STC2: variants seen among roughly 807,000 people sequenced by gnomAD.
STC2 encodes stanniocalcin-2.
In STC2, 7 loss-of-function variants were observed where a neutral mutation model predicts 22.7. The ratio of observed to expected loss-of-function variants is 0.31; its 90% CI spans 0.18 to 0.58. The LOEUF (loss-of-function observed/expected upper bound fraction) is 0.58, where lower values mean the gene tolerates loss of function less well. Ranked by LOEUF, STC2 falls within the 20% of genes least tolerant of loss-of-function variation. The pLI is 0.89. For missense variants in STC2, 336 were observed against 406.2 expected (o/e 0.83, Z 1.48); for synonymous variants, 158 against 163.4 (o/e 0.97, Z 0.25).
intron 1 of STC2, among the ~76,000 whole-genome samples, chr5:173,327,558 G>C (rs1762565291): frequency 6.6e-6 from 1 of 152,260 alleles, no homozygotes; most frequent in Admixed American, 6.5e-5. Context: ...TTGTCTCGCC[G>C]GCAAAGTTCT....
In STC2 at chr5:173,328,285, C is replaced by G. The variant is rs1025031636; in HGVS notation, c.-92G>C. The G allele has an allele frequency of 7.7e-7, 1 of 1,298,256 alleles. No individual in the cohort carries two copies. Among genetic ancestry groups the G allele is most frequent in the Non-Finnish European group, 1.0e-6 (1 of 994,372 alleles). 80.4% of individuals were successfully genotyped at this position (1,298,256 alleles called of 1,614,324 possible). A position where few individuals can be genotyped will look rare whatever the true frequency, so the allele number is the denominator to read the frequency against. The stretch of plus-strand genomic sequence containing the variant: ...TCTTCCTCCTTCGCCGCTTCCCCTC[C>G]TCCTCCCACTCTTCCTTTTTGCTCG... On this transcript the variant is annotated 5_prime_UTR_variant, in exon 1 of 4. Transcript: ENST00000265087.
chr5:173,318,366 G>T, intron 3 of STC2, 117 bp from the exon 4 acceptor site: 1 of 1,088,476 alleles, frequency 9.2e-7, no homozygotes, highest in Non-Finnish European at 1.2e-6. Flanking sequence ...AGGAGGCATG[G>T]CCAGTGCTTG....
Position 173,328,349 on chromosome 5 carries a change from G to T in STC2, c.-156C>A. 2 of 759,206 alleles carry T rather than the reference G, an allele frequency of 2.6e-6. No homozygotes were observed. Among genetic ancestry groups the T allele is most frequent in the South Asian group, 3.4e-5 (1 of 29,272 alleles). 47.0% of individuals were successfully genotyped at this position (759,206 alleles called of 1,614,324 possible). On this transcript the variant is annotated 5_prime_UTR_variant, in exon 1 of 4. Transcript: ENST00000265087. ...CCTCGCGGCCGCGGCTCGGATAGAG[G>T]TTACCCAGCGCCCTCCCGTAGCTCT...
chr5:173,323,357 C>T lies in STC2; in HGVS notation c.368G>A (p.Arg123Gln). 8 of 1,614,192 alleles carry T rather than the reference C, an allele frequency of 5.0e-6. No homozygotes were observed. Among genetic ancestry groups the T allele is most frequent in the East Asian group, 2.2e-5 (1 of 44,880 alleles). ...CATTTCCCTGATGGCCGGGCACTTC[C>T]GGCTTATGCAGCCGAACCTGTGCCG... ...ALRHRFGCISRKCPAIREMVS... is the reference protein window; with the variant it reads ...ALRHRFGCISQKCPAIREMVS... The change falls in exon 3 of 4, where the codon CGG (arginine) becomes CAG (glutamine). Residue 123 changes from arginine to glutamine, a missense_variant. Transcript: ENST00000265087. This position sits in a 1 kb window ranked among gnomAD's most constrained non-coding sequence, Gnocchi z 5.4.
rs1316109716 is a variant in STC2 at position 173,318,033 on chromosome 5, T to A, written c.723A>T (p.Glu241Asp). Residue 241 changes from glutamate (E) to aspartate (D), a missense_variant, in exon 4 of 4, where the codon GAA becomes GAT. Physicochemically the swap from Glu to Asp is conservative, Grantham distance 45. Coordinates refer to ENST00000265087, the MANE Select transcript of STC2 (RefSeq NM_003714.3). The part of the protein sequence containing the change: ...RTKLSRAHHG[E>D]AGHHLPEPSS... Reference sequence around the variant, plus strand: ...TGGGCTCTGGGAGGTGATGTCCTGCTTCCCCGTGGTGGGCCCTGGAGAGCT... The same window carrying A: ...TGGGCTCTGGGAGGTGATGTCCTGCATCCCCGTGGTGGGCCCTGGAGAGCT... 1.9e-6 allele frequency: 3 copies of A among 1,612,132 alleles called. No individual in the cohort carries two copies. Among genetic ancestry groups the A allele is most frequent in the Admixed American group, 3.3e-5 (2 of 59,948 alleles).
chr5:173,318,530 C>T (rs1762453240), intron 3 of STC2, among the ~76,000 whole-genome samples: 2 of 152,320 alleles, frequency 1.3e-5, no homozygotes, highest in East Asian at 1.9e-4. Flanking sequence ...AAGGAAGACC[C>T]TCTGGGGATG....
chr5:173,317,999 C>T lies in STC2; in HGVS notation c.757G>A (p.Glu253Lys), dbSNP rs749923080. ...TCACCCTTGGCACCTCGGCCAGTCT[C>T]CCTACTGCTGGGCTCTGGGAGGTGA... ...GHHLPEPSSR[E>K]TGRGAKGERG... The change falls in exon 4 of 4, where the codon GAG becomes AAG. Residue 253 changes from glutamate to lysine, a missense_variant. By Grantham distance (56) the Glu-to-Lys change is moderately conservative (BLOSUM62 1). Coordinates refer to ENST00000265087, the MANE Select transcript of STC2 (RefSeq NM_003714.3). 4 of 1,613,290 alleles carry T rather than the reference C, an allele frequency of 2.5e-6. No individual in the cohort carries two copies. In the South Asian group the frequency reaches 4.4e-5, roughly 18 times the overall value.
At position 173,314,890 on chromosome 5, in the gene STC2, A is replaced by G. The variant is rs1438631882; in HGVS notation, c.*2957T>C. On this transcript the variant is annotated 3_prime_UTR_variant, in exon 4 of 4. Transcript: ENST00000265087. The surrounding 1 kb of genome is among the most constrained non-coding windows in gnomAD (Gnocchi z 4.6). Reference sequence around the variant, plus strand: ...GGTTGTTCCTCCTTAGGAAGTGGCCACTGGAAGCATTGTTTTTCCATGCTA... The same window carrying G: ...GGTTGTTCCTCCTTAGGAAGTGGCCGCTGGAAGCATTGTTTTTCCATGCTA... 1 of 152,220 alleles carries G rather than the reference A, an allele frequency of 6.6e-6. No homozygotes were observed. Among genetic ancestry groups the G allele is most frequent in the Non-Finnish European group, 1.5e-5 (1 of 68,042 alleles). 9.4% of individuals were successfully genotyped at this position (152,220 alleles called of 1,614,324 possible).
intron 1 of STC2, 130 bp downstream of exon 1, chr5:173,327,913 C>T: frequency 1.6e-6 from 2 of 1,229,112 alleles, no homozygotes; most frequent in Non-Finnish European, 2.1e-6. Flanking sequence ...TTTGCACGTC[C>T]CGTGCCATCC....
chr5:173,325,804 C>T lies in STC2; in HGVS notation c.294+64G>A, dbSNP rs1762538908. 2 of 1,604,680 alleles carry T rather than the reference C, an allele frequency of 1.2e-6. No individual in the cohort carries two copies. Among genetic ancestry groups the T allele is most frequent in the Non-Finnish European group, 1.7e-6 (2 of 1,172,744 alleles). On this transcript the variant is annotated intron_variant, in intron 2 of 3. Transcript: ENST00000265087. This position sits in a 1 kb window ranked among gnomAD's most constrained non-coding sequence, Gnocchi z 4.7. ...AAGGAAGTTGGTTAACAAGGCTTTC[C>T]AATGAACGTTTCAATCATGTATGCT...
chr5:173,327,965 G>A, intron 1 of STC2, 78 bp downstream of exon 1: 2 of 1,379,848 alleles, frequency 1.4e-6, no homozygotes, highest in Non-Finnish European at 1.9e-6. Context: ...GGCTCCCGGC[G>A]AAACGCCTGG....
At chr5:173,319,742 A>G (rs1427544686) in intron 3 of STC2, among the ~76,000 whole-genome samples, 1 of 152,252 alleles carries the variant, frequency 6.6e-6, no homozygotes, top group Non-Finnish European at 1.5e-5. Flanking sequence ...TCTGGGCTTC[A>G]GGGCCCAGGG....
Position 173,315,516 on chromosome 5 carries a change from T to G in STC2, c.*2331A>C, listed in dbSNP as rs1762410084. 6.6e-6 allele frequency: 1 copy of G among 152,122 alleles called. No individual in the cohort carries two copies. Among genetic ancestry groups the G allele is most frequent in the Admixed American group, 6.6e-5 (1 of 15,266 alleles). 9.4% of individuals were successfully genotyped at this position (152,122 alleles called of 1,614,324 possible). ...AGATAATAAATACAAATGACAAATA[T>G]TTACAATAGAAGCAACGAATGGGAT... is the stretch of plus-strand genomic sequence containing the variant. On this transcript the variant is annotated 3_prime_UTR_variant, in exon 4 of 4. Coordinates refer to ENST00000265087, the MANE Select transcript of STC2 (RefSeq NM_003714.3).
rs1056917122 is a variant in STC2 at position 173,314,804 on chromosome 5, T to C, written c.*3043A>G. 6.6e-6 allele frequency: 1 copy of C among 152,216 alleles called. No homozygotes were observed. The highest frequency in any genetic ancestry group is 6.5e-5 in the Admixed American group (1 of 15,274). The allele number at this position is 152,216 out of a possible 1,614,324, so 9.4% of individuals were successfully genotyped here. A position where few individuals can be genotyped will look rare whatever the true frequency, so the allele number is the denominator to read the frequency against. ...GTACAGGTCCTGTTGCCTAAATCCG[T>C]AGTAGAAACAGATATTATCACTTAG... is the stretch of plus-strand genomic sequence containing the variant. On this transcript the variant is annotated 3_prime_UTR_variant, in exon 4 of 4. Coordinates refer to ENST00000265087, the MANE Select transcript of STC2 (RefSeq NM_003714.3). The surrounding 1 kb of genome is among the most constrained non-coding windows in gnomAD (Gnocchi z 4.6).
intron 3 of STC2, among the ~76,000 whole-genome samples, chr5:173,321,980 G>A (rs538293023): frequency 6.6e-5 from 10 of 152,284 alleles, no homozygotes; most frequent in South Asian, 2.1e-4. Context: ...GCAGAGTTTC[G>A]CCATGAATTG....
chr5:173,319,989 G>C (rs968649484), intron 3 of STC2, among the ~76,000 whole-genome samples: 1 of 152,224 alleles, frequency 6.6e-6, no homozygotes, highest in Non-Finnish European at 1.5e-5. Flanking sequence ...AATGCTCCAC[G>C]CGTGCTTGTT....
chr5:173,317,787 T>G lies in STC2; in HGVS notation c.*60A>C. On this transcript the variant is annotated 3_prime_UTR_variant, in exon 4 of 4. Transcript: ENST00000265087. ...CTCTCTAATGGTAAATGTTTTGGAA[T>G]GTCCATAGATAAGAAAATGGACGGC... 1.3e-6 allele frequency: 2 copies of G among 1,496,396 alleles called. No individual in the cohort carries two copies. Among genetic ancestry groups the G allele is most frequent in the Non-Finnish European group, 1.8e-6 (2 of 1,119,646 alleles). The allele number at this position is 1,496,396 out of a possible 1,614,324, so 92.7% of individuals were successfully genotyped here.
chr5:173,328,211 T>A lies in STC2; in HGVS notation c.-18A>T. ...GCACACATGGTTCTTGGTATTAACC[T>A]CCCGTCGGGAGACCTGGATCCTTTG... On this transcript the variant is annotated 5_prime_UTR_variant, in exon 1 of 4. Transcript: ENST00000265087. 1 of 1,443,962 alleles carries A rather than the reference T, an allele frequency of 6.9e-7. No homozygotes were observed. The highest frequency in any genetic ancestry group is 9.2e-7 in the Non-Finnish European group (1 of 1,089,374). 89.4% of individuals were successfully genotyped at this position (1,443,962 alleles called of 1,614,324 possible). A position where few individuals can be genotyped will look rare whatever the true frequency, so the allele number is the denominator to read the frequency against.
At chr5:173,327,141 G>A (rs1304625505) in intron 1 of STC2, among the ~76,000 whole-genome samples, 1 of 152,216 alleles carries the variant, frequency 6.6e-6, no homozygotes, top group Non-Finnish European at 1.5e-5. Flanking sequence ...GGGCAGGACC[G>A]CACAGGGCCG....
Sources: gnomAD v4.1 joint callset for allele counts (sites outside exome capture counted in the v4.1 genomes callset) on GRCh38, gnomAD v4.1.1 for gene constraint, Gnocchi (gnomAD v3.1) non-coding constraint, MANE v1.5 for transcripts, NCBI Gene and HGNC (gene_info 2026-07-23, HGNC 2026-07-21) for gene names.